Variants in GCNT2 observed in about 807,000 individuals in gnomAD.
GCNT2 encodes the protein glucosaminyl (N-acetyl) transferase 2 (I blood group).
In GCNT2, 34 loss-of-function variants were observed where a neutral mutation model predicts 34.2. The observed-to-expected ratio is 1.00, with a 90% CI of 0.76 to 1.32. The LOEUF is 1.32. GCNT2 is among the 40% of genes most tolerant of loss of function. The pLI is 0.00. For missense variants in GCNT2, 584 were observed against 489.4 expected (o/e 1.19, Z -1.82); for synonymous variants, 212 against 188.0 (o/e 1.13, Z -1.04).
At chr6:10,542,217 G>C (rs547886177) in intron 3 of GCNT2, among the ~76,000 whole-genome samples, 2 of 152,256 alleles carry the variant, frequency 1.3e-5, no homozygotes, top group African/African-American at 2.4e-5. Flanking sequence ...AGTTACAGCT[G>C]TTTCCTGCCC....
chr6:10,621,711 C>G (rs1018176910), intron 4 of GCNT2: 4 of 400,632 alleles, frequency 1.0e-5, no homozygotes, highest in South Asian at 8.5e-5. Flanking sequence ...TAGTTTTCAG[C>G]TTTCTTTCTT....
chr6:10,563,291 C>T (rs1763095256), intron 3 of GCNT2, among the ~76,000 whole-genome samples: 1 of 152,170 alleles, frequency 6.6e-6, no homozygotes, highest in Non-Finnish European at 1.5e-5. Flanking sequence ...ACCCTTTTCT[C>T]TCATAAAAAC....
In GCNT2 at chr6:10,536,417, G is replaced by A. The variant is rs140639338; in HGVS notation, c.925+6581G>A. 4.5e-3 allele frequency among the ~76,000 whole-genome samples: 682 copies of A among 151,438 alleles called. 4 individuals carry two copies. Among genetic ancestry groups the A allele is most frequent in the Middle Eastern group, 0.014 (4 of 294 alleles). On this transcript the variant is annotated intron_variant, in intron 3 of 4. Coordinates refer to ENST00000495262, the MANE Select transcript of GCNT2 (RefSeq NM_145649.5). ...GTTGCCCAGGCTGGAGTGCAGTGGC[G>A]TGATCTCAGCTCACTGCAAGTTCTC...
chr6:10,582,275 TATAA>T (rs1378041345), intron 3 of GCNT2, among the ~76,000 whole-genome samples: 2 of 108,818 alleles, frequency 1.8e-5, no homozygotes, highest in East Asian at 2.1e-4. Context: ...ATATTAAATA[TATAA>T]ATATATATAA....
At chr6:10,565,264 A>G (rs1763226015) in intron 3 of GCNT2, among the ~76,000 whole-genome samples, 1 of 152,218 alleles carries the variant, frequency 6.6e-6, no homozygotes, top group Non-Finnish European at 1.5e-5. Context: ...CAGATCTGAC[A>G]GTGCCCTGCT....
In GCNT2 at chr6:10,629,343, G is replaced by T. The variant is rs2127449954; in HGVS notation, c.*2736G>T. 6.6e-6 allele frequency: 1 copy of T among 152,490 alleles called. No individual in the cohort carries two copies. Among genetic ancestry groups the T allele is most frequent in the East Asian group, 1.9e-4 (1 of 5,178 alleles). The allele number at this position is 152,490 out of a possible 1,614,324, so 9.4% of individuals were successfully genotyped here. On this transcript the variant is annotated 3_prime_UTR_variant, in exon 5 of 5. Coordinates refer to ENST00000495262, the MANE Select transcript of GCNT2 (RefSeq NM_145649.5). ...TGAGGTTCCATGTTTTGTTTTCTTG[G>T]GAATAAATTAATATATTGTTTTCCA... is the stretch of plus-strand genomic sequence containing the variant.
At position 10,557,159 on chromosome 6, in the gene GCNT2, A is replaced by G. The variant is rs1229901853; in HGVS notation, c.925+27323A>G. The G allele has an allele frequency of 2.6e-6, 4 of 1,549,734 alleles. No individual in the cohort carries two copies. The highest frequency in any genetic ancestry group is 3.5e-6 in the Non-Finnish European group (4 of 1,152,402). ...AGAGCTTTCCTATGTGATAAGAACAACAGCGTTGAAACCGCCTCCCCCCCA... is the reference window on the plus strand; with the variant it reads ...AGAGCTTTCCTATGTGATAAGAACAGCAGCGTTGAAACCGCCTCCCCCCCA... On this transcript the variant is annotated intron_variant, in intron 3 of 4. Coordinates refer to ENST00000495262, the MANE Select transcript of GCNT2 (RefSeq NM_145649.5).
intron 3 of GCNT2, among the ~76,000 whole-genome samples, chr6:10,535,012 C>T (rs1338790161): frequency 1.3e-5 from 2 of 152,122 alleles, no homozygotes; most frequent in East Asian, 1.9e-4. Context: ...GATGAAACCC[C>T]GTTTCTACTA....
chr6:10,544,271 A>C (rs1449201798), intron 3 of GCNT2, among the ~76,000 whole-genome samples: 39 of 145,166 alleles, frequency 2.7e-4, no homozygotes, highest in East Asian at 8.4e-4. Context: ...CCGAGATCAC[A>C]TCACTGCATT....
At chr6:10,542,893 C>CTTTTTTTTTTTT (rs869251646) in intron 3 of GCNT2, among the ~76,000 whole-genome samples, 31 of 82,248 alleles carry the variant, frequency 3.8e-4, no homozygotes, top group African/African-American at 6.6e-4. Context: ...TATGTTAATT[C>CTTTTTTTTTTTT]TTTTTTTTTT....
At chr6:10,602,676 C>T (rs1765136132) in intron 3 of GCNT2, among the ~76,000 whole-genome samples, 1 of 152,170 alleles carries the variant, frequency 6.6e-6, no homozygotes, top group African/African-American at 2.4e-5. Context: ...CGTAAGTGAG[C>T]ATAATTTCTT....
intron 3 of GCNT2, among the ~76,000 whole-genome samples, chr6:10,585,078 T>TGTGTGC (rs1491251655): frequency 1.6e-4 from 14 of 87,336 alleles, no homozygotes; most frequent in South Asian, 1.1e-3. Flanking sequence ...TGTGTGTGTG[T>TGTGTGC]GCGCGCTATA....
rs183478300 is a variant in GCNT2 at position 10,538,531 on chromosome 6, C to T, written c.925+8695C>T. Among the ~76,000 whole-genome samples, 462 of 146,962 alleles carry T rather than the reference C, an allele frequency of 3.1e-3. 3 individuals carry two copies. The highest frequency in any genetic ancestry group is 3.0e-3 in the Non-Finnish European group (203 of 67,554). The stretch of plus-strand genomic sequence containing the variant: ...TACCCATGACACCTTAAATATAAAC[C>T]CTGATAGATCTCATGGCATCTATGT... On this transcript the variant is annotated intron_variant, in intron 3 of 4. Transcript: ENST00000495262.
intron 1 of GCNT2, among the ~76,000 whole-genome samples, chr6:10,524,788 C>T (rs1032495674): frequency 5.9e-5 from 9 of 151,806 alleles, no homozygotes; most frequent in East Asian, 1.9e-4. Flanking sequence ...GAGATTGTGC[C>T]GTTGCACTCC....
chr6:10,524,440 C>T (rs1761093620), intron 1 of GCNT2, among the ~76,000 whole-genome samples: 1 of 151,898 alleles, frequency 6.6e-6, no homozygotes, highest in African/African-American at 2.4e-5. Flanking sequence ...TCAGTAGAGA[C>T]AGGGTTTCTC....
chr6:10,577,164 T>A (rs1763856934), intron 3 of GCNT2, among the ~76,000 whole-genome samples: 1 of 152,234 alleles, frequency 6.6e-6, no homozygotes, highest in Non-Finnish European at 1.5e-5. Flanking sequence ...GCCTAGCAAC[T>A]TTACCTCCCT....
chr6:10,609,656 G>C (rs1356660252), intron 3 of GCNT2, among the ~76,000 whole-genome samples: 1 of 152,208 alleles, frequency 6.6e-6, no homozygotes, highest in Non-Finnish European at 1.5e-5. Flanking sequence ...GGTCTGGCCA[G>C]GGTTATAATT....
At chr6:10,548,727 T>G (rs1399078443) in intron 3 of GCNT2, among the ~76,000 whole-genome samples, 1 of 152,242 alleles carries the variant, frequency 6.6e-6, no homozygotes, top group African/African-American at 2.4e-5. Context: ...TCATTCATTC[T>G]CATTGTTGCA....
chr6:10,555,985 C>CATCA, intron 3 of GCNT2: 1 of 1,072,808 alleles, frequency 9.3e-7, no homozygotes, highest in East Asian at 8.0e-5. Context: ...TGCCAGAGCT[C>CATCA]ATCACTTCAA....
Sources: allele counts gnomAD v4.1 joint callset (sites outside exome capture counted in the v4.1 genomes callset), GRCh38; gene constraint gnomAD v4.1.1; transcripts MANE v1.5; gene names NCBI Gene and HGNC (gene_info 2026-07-23, HGNC 2026-07-21).